The following FBN1 variants were observed in gnomAD, a reference collection of about 807,000 sequenced individuals.
FBN1 encodes the protein fibrillin-1.
Under a neutral mutation model 365.1 loss-of-function variants are expected in FBN1, and 29 were observed. The ratio of observed to expected loss-of-function variants is 0.08; its 90% CI spans 0.06 to 0.11. FBN1 has a LOEUF of 0.11. Ranked by LOEUF, FBN1 falls within the 10% of genes least tolerant of loss-of-function variation. The pLI is 1.00. For synonymous variants in FBN1, 1,210 were observed against 1,270.5 expected, an observed-to-expected ratio of 0.95 and a Z score of 1.01; for missense variants, 2,476 against 3,703.2, an observed-to-expected ratio of 0.67 and a Z score of 8.60.
chr15:48,601,800 G>T (rs76411888), intron 4 of FBN1, among the ~76,000 whole-genome samples: 2,552 of 152,252 alleles, frequency 0.017, 63 homozygotes, highest in African/African-American at 0.059. Flanking sequence ...AAGAAGTTAG[G>T]TTGAGTTGAA....
At chr15:48,485,347 T>C (rs781700147) in intron 30 of FBN1, 27 bp downstream of exon 30, 6 of 1,614,068 alleles carry the variant, frequency 3.7e-6, no homozygotes, top group Non-Finnish European at 5.1e-6. Flanking sequence ...TACTGAGAGA[T>C]TCAACATGAG....
At chr15:48,575,034 G>A (rs907819654) in intron 6 of FBN1, among the ~76,000 whole-genome samples, 4 of 152,206 alleles carry the variant, frequency 2.6e-5, no homozygotes, top group South Asian at 4.1e-4. Context: ...CATAAAAACG[G>A]GTTCCAGAAG....
rs767097888 is a variant in FBN1, at chr15:48,445,476, C to G, written c.5817G>C (p.Gly1939=). ...IDVDECASGN[G]NLCRNGQCIN... is the part of the protein sequence containing the mutation. ...TGCATTGGCCATTTCTGCAAAGATT[C>G]CCATTTCCACTTGCACATTCATCAA... The change falls in exon 48 of 66, where the codon GGG becomes GGC. Residue 1939 remains glycine, a synonymous_variant. Coordinates refer to ENST00000316623, the MANE Select transcript of FBN1 (RefSeq NM_000138.5). 6.2e-7 allele frequency: 1 copy of G among 1,612,762 alleles called. No homozygotes were observed. Among genetic ancestry groups the G allele is most frequent in the South Asian group, 1.1e-5 (1 of 91,056 alleles).
At chr15:48,624,684 G>C (rs756954164) in intron 2 of FBN1, among the ~76,000 whole-genome samples, 1 of 152,248 alleles carries the variant, frequency 6.6e-6, no homozygotes, top group Non-Finnish European at 1.5e-5. Context: ...CTTCACCAGT[G>C]AGCTCAGGGT....
chr15:48,607,321 T>C (rs1468729204), intron 4 of FBN1, among the ~76,000 whole-genome samples: 1 of 148,030 alleles, frequency 6.8e-6, no homozygotes, highest in Non-Finnish European at 1.5e-5. Flanking sequence ...GTATCATATA[T>C]AATTATATAT....
intron 2 of FBN1, among the ~76,000 whole-genome samples, chr15:48,629,935 G>A (rs1445600314): frequency 6.6e-6 from 1 of 152,152 alleles, no homozygotes; most frequent in South Asian, 2.1e-4. Flanking sequence ...AGAGGGAGGG[G>A]ACCCCCATTA....
At chr15:48,587,302 T>C (rs189394326) in intron 6 of FBN1, among the ~76,000 whole-genome samples, 13 of 152,338 alleles carry the variant, frequency 8.5e-5, no homozygotes, top group Admixed American at 2.0e-4. Context: ...ATGCCGTCTA[T>C]AAGAAAGTGA....
intron 64 of FBN1, 48 bp downstream of exon 64, chr15:48,415,488 T>C (rs1423845844): frequency 2.2e-6 from 3 of 1,386,620 alleles, no homozygotes; most frequent in Non-Finnish European, 3.1e-6. Flanking sequence ...CTTAATTATA[T>C]TACGAATGAA....
rs2043241650 is a variant in FBN1 at position 48,456,757 on chromosome 15, C to T, written c.5302G>A (p.Asp1768Asn). The stretch of plus-strand genomic sequence containing the variant: ...ACCCCTGGGATCTCCCGGCACTCAT[C>T]AATATCTAGAGACAGAGTAGTCATT... ...DIYTGLPVDI[D>N]ECREIPGVCE... The change falls in exon 44 of 66, where the codon GAT becomes AAT. Residue 1768 changes from aspartate to asparagine, a missense_variant. By Grantham distance (23) the Asp-to-Asn change is conservative. This residue lies in a region of FBN1 where 1,780 missense variants were observed against 2,840.8 expected (regional missense o/e 0.63). Transcript: ENST00000316623. The T allele has an allele frequency of 6.2e-7, 1 of 1,613,106 alleles. No individual in the cohort carries two copies. Among genetic ancestry groups the T allele is most frequent in the Non-Finnish European group, 8.5e-7 (1 of 1,179,520 alleles).
chr15:48,540,411 T>G (rs1371802866), intron 6 of FBN1, among the ~76,000 whole-genome samples: 1 of 152,210 alleles, frequency 6.6e-6, no homozygotes, highest in African/African-American at 2.4e-5. Flanking sequence ...TGAATCCTGC[T>G]GGATTTTCTT....
intron 55 of FBN1, 113 bp downstream of exon 55, chr15:48,432,753 G>T (rs572208672): frequency 2.9e-6 from 4 of 1,377,352 alleles, no homozygotes; most frequent in Non-Finnish European, 2.1e-6. Flanking sequence ...TATTGTCCAC[G>T]GACTATTTAT....
chr15:48,474,162 C>A (rs1201723674), intron 34 of FBN1, 93 bp downstream of exon 34: 2 of 1,559,930 alleles, frequency 1.3e-6, no homozygotes, highest in African/African-American at 1.4e-5. Flanking sequence ...ATTAACTGAC[C>A]CAGTCTTCAA....
chr15:48,638,745 A>G (rs919097522), intron 2 of FBN1, among the ~76,000 whole-genome samples: 4 of 152,188 alleles, frequency 2.6e-5, no homozygotes, highest in African/African-American at 9.6e-5. Context: ...TCGTGATTTA[A>G]GACACATACC....
intron 6 of FBN1, among the ~76,000 whole-genome samples, chr15:48,577,519 C>T (rs1277478675): frequency 6.6e-6 from 1 of 152,146 alleles, no homozygotes; most frequent in Non-Finnish European, 1.5e-5. Flanking sequence ...TCTTTCCTGG[C>T]CTACTTAAAT....
Position 48,613,899 on chromosome 15 carries a change from G to A in FBN1, c.165-807C>T, listed in dbSNP as rs148312313. Among the ~76,000 whole-genome samples the A allele has an allele frequency of 1.3e-3, 195 of 152,292 alleles. 1 individual carries two copies. Among genetic ancestry groups the A allele is most frequent in the African/African-American group, 4.5e-3 (188 of 41,552 alleles). ...GCTGACATCGCACCACTGCACTCCA[G>A]CCTGGGCGACAGAGTGAGACTCTGT... On this transcript the variant is annotated intron_variant, in intron 2 of 65. Coordinates refer to ENST00000316623, the MANE Select transcript of FBN1 (RefSeq NM_000138.5).
At chr15:48,511,221 C>T (rs2043756343) in intron 13 of FBN1, among the ~76,000 whole-genome samples, 1 of 152,184 alleles carries the variant, frequency 6.6e-6, no homozygotes, top group African/African-American at 2.4e-5. Flanking sequence ...CCCTCAGATG[C>T]ACTTTCTTTC....
chr15:48,427,887 G>C (rs781542066), intron 57 of FBN1, 114 bp from the exon 58 acceptor site: 2 of 893,160 alleles, frequency 2.2e-6, no homozygotes, highest in Non-Finnish European at 3.6e-6. Flanking sequence ...TTTACCCTGG[G>C]TGAGAAGAAG....
intron 13 of FBN1, 143 bp downstream of exon 13, chr15:48,513,406 T>A (rs576903443): frequency 6.5e-6 from 7 of 1,072,122 alleles, no homozygotes; most frequent in Non-Finnish European, 4.3e-6. Flanking sequence ...AGAATGACAA[T>A]AGGTGGAACT....
intron 6 of FBN1, among the ~76,000 whole-genome samples, chr15:48,568,017 G>GAAAGAA (rs1232218742): frequency 2.1e-5 from 2 of 94,492 alleles, no homozygotes; most frequent in African/African-American, 5.0e-5. Flanking sequence ...AAGAAAGAAA[G>GAAAGAA]AAAGAAAGAA....
Sources: allele counts gnomAD v4.1 joint callset (sites outside exome capture counted in the v4.1 genomes callset), GRCh38; gene constraint gnomAD v4.1.1; regional missense constraint gnomAD v4.1.1; transcripts MANE v1.5; gene names NCBI Gene and HGNC (gene_info 2026-07-23, HGNC 2026-07-21).